RNGTT: variants seen among roughly 807,000 people sequenced by gnomAD.
RNGTT encodes the protein mRNA-capping enzyme.
In RNGTT, 33 loss-of-function variants were observed where a neutral mutation model predicts 79.3. The observed-to-expected ratio is 0.42, with a 90% CI of 0.32 to 0.56. RNGTT has a LOEUF of 0.56. RNGTT is among the 20% of genes least tolerant of loss of function. RNGTT has a pLI of 0.17. For synonymous variants in RNGTT, 222 were observed against 235.9 expected (o/e 0.94, Z 0.54); for missense variants, 497 against 739.1 (o/e 0.67, Z 3.80).
intron 14 of RNGTT, among the ~76,000 whole-genome samples, chr6:88,656,812 A>G (rs2127780211): frequency 6.6e-6 from 1 of 151,778 alleles, no homozygotes; most frequent in South Asian, 2.1e-4. Flanking sequence ...GAGGAAGGCC[A>G]GGCACAGTGG....
At chr6:88,768,565 A>G (rs190967174) in intron 13 of RNGTT, among the ~76,000 whole-genome samples, 1 of 152,320 alleles carries the variant, frequency 6.6e-6, no homozygotes, top group East Asian at 1.9e-4. Flanking sequence ...TCTGGACTCC[A>G]TATATCCCCT....
chr6:88,717,231 T>C (rs201285766), intron 13 of RNGTT, among the ~76,000 whole-genome samples: 8 of 152,222 alleles, frequency 5.3e-5, no homozygotes, highest in African/African-American at 1.7e-4. Context: ...ACTGAGGTTA[T>C]TGTTCAATAT....
At chr6:88,845,814 G>C (rs538260864) in intron 10 of RNGTT, among the ~76,000 whole-genome samples, 27 of 152,294 alleles carry the variant, frequency 1.8e-4, no homozygotes, top group African/African-American at 6.5e-4. Context: ...ACAACCATCT[G>C]TAAAGGATAT....
chr6:88,741,492 C>G (rs1777491416), intron 13 of RNGTT, among the ~76,000 whole-genome samples: 1 of 152,054 alleles, frequency 6.6e-6, no homozygotes, highest in African/African-American at 2.4e-5. Context: ...ATGCTCAGTA[C>G]CTGGGTGACA....
intron 12 of RNGTT, among the ~76,000 whole-genome samples, chr6:88,792,517 ATG>A (rs1488839602): frequency 3.9e-5 from 6 of 152,206 alleles, no homozygotes; most frequent in Non-Finnish European, 5.9e-5. Flanking sequence ...TATTAGAAAA[ATG>A]TGTCTTAAAC....
At chr6:88,846,729 C>T (rs972692490) in intron 10 of RNGTT, among the ~76,000 whole-genome samples, 4 of 150,314 alleles carry the variant, frequency 2.7e-5, no homozygotes, top group African/African-American at 9.8e-5. Flanking sequence ...CACTGCACTC[C>T]AGCCTGGGTG....
intron 13 of RNGTT, among the ~76,000 whole-genome samples, chr6:88,683,583 C>T (rs1775167782): frequency 6.6e-6 from 1 of 152,052 alleles, no homozygotes; most frequent in Non-Finnish European, 1.5e-5. Flanking sequence ...ATAACTTTGA[C>T]ATGGACACAA....
At chr6:88,640,998 C>CATGTTTCCAGT (rs1773293054) in intron 14 of RNGTT, among the ~76,000 whole-genome samples, 1 of 152,048 alleles carries the variant, frequency 6.6e-6, no homozygotes, top group Non-Finnish European at 1.5e-5. Context: ...CTGCCATTAC[C>CATGTTTCCAGT]ATGTTTCCAG....
chr6:88,632,880 A>T (rs994332939), intron 14 of RNGTT, among the ~76,000 whole-genome samples: 2 of 152,220 alleles, frequency 1.3e-5, no homozygotes, highest in African/African-American at 4.8e-5. Context: ...ATGCTAAATC[A>T]GACCCCGTCT....
At chr6:88,736,648 G>A (rs1021571735) in intron 13 of RNGTT, among the ~76,000 whole-genome samples, 1 of 152,170 alleles carries the variant, frequency 6.6e-6, no homozygotes, top group South Asian at 2.1e-4. Flanking sequence ...GGCAAATTCT[G>A]TCTGTTCATA....
intron 13 of RNGTT, among the ~76,000 whole-genome samples, chr6:88,690,990 A>G (rs1775457576): frequency 6.6e-6 from 1 of 152,180 alleles, no homozygotes; most frequent in South Asian, 2.1e-4. Flanking sequence ...ATACAACATC[A>G]TGAATGAATT....
chr6:88,805,011 T>C (rs1272905356), intron 11 of RNGTT, among the ~76,000 whole-genome samples: 1 of 152,168 alleles, frequency 6.6e-6, no homozygotes, highest in Admixed American at 6.5e-5. Flanking sequence ...AAAAGGTTGG[T>C]TTAAGAAAAA....
At chr6:88,723,828 G>A (rs557466712) in intron 13 of RNGTT, among the ~76,000 whole-genome samples, 9 of 152,172 alleles carry the variant, frequency 5.9e-5, no homozygotes, top group Non-Finnish European at 8.8e-5. Flanking sequence ...AGGTTCAAGC[G>A]ATTCTCCTGC....
intron 14 of RNGTT, chr6:88,677,863 G>C (rs946021537): frequency 1.3e-5 from 2 of 152,088 alleles, no homozygotes; most frequent in African/African-American, 4.8e-5. Context: ...GAACTGTTTC[G>C]GTCAAAGTCA....
intron 14 of RNGTT, among the ~76,000 whole-genome samples, chr6:88,674,231 T>C (rs1359221844): frequency 6.6e-6 from 1 of 152,148 alleles, no homozygotes; most frequent in African/African-American, 2.4e-5. Flanking sequence ...GTAACTAAGA[T>C]AAGATTTTTC....
intron 14 of RNGTT, among the ~76,000 whole-genome samples, chr6:88,629,734 A>T (rs1772776365): frequency 6.6e-6 from 1 of 152,160 alleles, no homozygotes; most frequent in African/African-American, 2.4e-5. Context: ...TATTTTCTGG[A>T]AAGTTGTTTT....
chr6:88,682,532 T>A (rs1775128630), intron 13 of RNGTT, among the ~76,000 whole-genome samples: 1 of 152,232 alleles, frequency 6.6e-6, no homozygotes, highest in African/African-American at 2.4e-5. Context: ...AATCTTCTAG[T>A]GGGATGTAAA....
At chr6:88,710,245 T>A (rs1466239366) in intron 13 of RNGTT, among the ~76,000 whole-genome samples, 9 of 152,194 alleles carry the variant, frequency 5.9e-5, no homozygotes, top group African/African-American at 2.2e-4. Flanking sequence ...ATTCAACCAG[T>A]GTGCACACCA....
chr6:88,673,866 T>A (rs1328224397), intron 14 of RNGTT, among the ~76,000 whole-genome samples: 1 of 152,232 alleles, frequency 6.6e-6, no homozygotes, highest in Non-Finnish European at 1.5e-5. Flanking sequence ...TAAGCTTCTC[T>A]CTTTTTAGTT....
Sources: allele counts gnomAD v4.1 joint callset (sites outside exome capture counted in the v4.1 genomes callset), GRCh38; gene constraint gnomAD v4.1.1; transcripts MANE v1.5; gene names NCBI Gene and HGNC (gene_info 2026-07-23, HGNC 2026-07-21).